Variants in KIN observed in about 807,000 individuals in gnomAD.
The protein encoded by KIN is DNA/RNA-binding protein KIN17.
KIN carries 47 observed loss-of-function variants against 63.0 expected under a neutral mutation model. The observed-to-expected ratio is 0.75, with a 90% CI of 0.59 to 0.95. The LOEUF is 0.95. Among genes scored for constraint, KIN ranks in the 40% least tolerant of loss-of-function variants. The pLI is 0.00. For missense variants in KIN, 408 were observed against 460.9 expected, an observed-to-expected ratio of 0.89 and a Z score of 1.05; for synonymous variants, 160 against 157.7, an observed-to-expected ratio of 1.01 and a Z score of -0.11.
intron 1 of KIN, among the ~76,000 whole-genome samples, chr10:7,784,344 A>G (rs1835955999): frequency 6.6e-6 from 1 of 152,228 alleles, no homozygotes. Flanking sequence ...GCACTTTGGG[A>G]GGCCAAGGCA....
chr10:7,753,947 C>CGT lies in KIN; in HGVS notation c.*2132_*2133insAC. The CGT allele has an allele frequency of 2.3e-6, 1 of 429,792 alleles. No individual in the cohort carries two copies. Among genetic ancestry groups the CGT allele is most frequent in the Admixed American group, 2.5e-5 (1 of 40,578 alleles). 26.6% of individuals were successfully genotyped at this position (429,792 alleles called of 1,614,324 possible). ...AGAGAGAGATCCCAGGGTTTGGCAC[C>CGT]ATACCTGTGTCTGACGTCAGCTTAT... On this transcript the variant is annotated 3_prime_UTR_variant, in exon 13 of 13. Coordinates refer to ENST00000379562, the MANE Select transcript of KIN (RefSeq NM_012311.4).
At chr10:7,779,068 C>T in intron 4 of KIN, 49 bp from the exon 5 acceptor site, 1 of 1,571,572 alleles carries the variant, frequency 6.4e-7, no homozygotes, top group Non-Finnish European at 8.6e-7. Context: ...CAAAGCAAAA[C>T]ATAAATATGA....
Position 7,751,952 on chromosome 10 carries a change from G to A in KIN, c.*4128C>T, listed in dbSNP as rs1444317671. On this transcript the variant is annotated 3_prime_UTR_variant, in exon 13 of 13. Coordinates refer to ENST00000379562, the MANE Select transcript of KIN (RefSeq NM_012311.4). ...CGGGAGGCTGAGGCAGGAGAATGGCGTGAACCCGGGAAGCGGAGCTTGCAG... is the reference window on the plus strand; with the variant it reads ...CGGGAGGCTGAGGCAGGAGAATGGCATGAACCCGGGAAGCGGAGCTTGCAG... 2 of 3,188 alleles carry A rather than the reference G, an allele frequency of 6.3e-4. 1 individual carries two copies. Among genetic ancestry groups the A allele is most frequent in the South Asian group, 9.3e-3 (2 of 214 alleles). 0.2% of individuals were successfully genotyped at this position (3,188 alleles called of 1,614,324 possible). A position where few individuals can be genotyped will look rare whatever the true frequency, so the allele number is the denominator to read the frequency against.
chr10:7,767,493 A>G (rs1181044906), intron 8 of KIN, among the ~76,000 whole-genome samples: 1 of 152,172 alleles, frequency 6.6e-6, no homozygotes, highest in East Asian at 1.9e-4. Context: ...TTTCATAGTA[A>G]GTTTCATCTA....
chr10:7,772,349 G>C (rs1835683414), intron 7 of KIN, among the ~76,000 whole-genome samples: 1 of 152,192 alleles, frequency 6.6e-6, no homozygotes, highest in Non-Finnish European at 1.5e-5. Context: ...ATATGAATAT[G>C]AGCAGAATGA....
At chr10:7,781,985 G>T (rs1476655328) in intron 2 of KIN, among the ~76,000 whole-genome samples, 1 of 152,070 alleles carries the variant, frequency 6.6e-6, no homozygotes, top group Admixed American at 6.5e-5. Context: ...TTGAACCCAG[G>T]AGGCAGAGGT....
intron 9 of KIN, among the ~76,000 whole-genome samples, chr10:7,765,304 C>T (rs1483105123): frequency 6.6e-6 from 1 of 151,408 alleles, no homozygotes; most frequent in Non-Finnish European, 1.5e-5. Flanking sequence ...ACAAAAAATA[C>T]AAAAATTGGC....
At chr10:7,768,716 C>G (rs948534988) in intron 8 of KIN, among the ~76,000 whole-genome samples, 3 of 152,042 alleles carry the variant, frequency 2.0e-5, no homozygotes, top group Non-Finnish European at 2.9e-5. Context: ...GCACCTGAGG[C>G]ATTAAAAGAA....
chr10:7,772,441 T>TA (rs1161702159), intron 7 of KIN, among the ~76,000 whole-genome samples: 1 of 152,168 alleles, frequency 6.6e-6, no homozygotes, highest in Non-Finnish European at 1.5e-5. Flanking sequence ...TCAAAGGAGA[T>TA]AAAGAAGCCC....
rs56204215 is a variant in KIN, at chr10:7,754,633, GAA to G, written c.*1445_*1446del. 8.1e-5 allele frequency: 10 copies of G among 123,662 alleles called. No homozygotes were observed. Among genetic ancestry groups the G allele is most frequent in the South Asian group, 2.5e-4 (1 of 3,928 alleles). The allele number at this position is 123,662 out of a possible 1,614,324, so 7.7% of individuals were successfully genotyped here. A position where few individuals can be genotyped will look rare whatever the true frequency, so the allele number is the denominator to read the frequency against. On this transcript the variant is annotated 3_prime_UTR_variant, in exon 13 of 13. Transcript: ENST00000379562. ...GGTGACAGAGTGAGACTCTGTGTCA[GAA>G]AAAAAAAAAAAAAGAAAAAGAAAAG...
At chr10:7,774,635 C>T (rs1835731980) in intron 7 of KIN, among the ~76,000 whole-genome samples, 196 bp downstream of exon 7, 1 of 151,270 alleles carries the variant, frequency 6.6e-6, no homozygotes, top group African/African-American at 2.4e-5. Flanking sequence ...CGAGGCCAGC[C>T]TGGGCAACAT....
intron 7 of KIN, among the ~76,000 whole-genome samples, chr10:7,771,169 C>T (rs891319063): frequency 6.6e-6 from 1 of 152,150 alleles, no homozygotes. Flanking sequence ...CAACTTGCTA[C>T]TTAAATGTTC....
In KIN at chr10:7,751,960, G is replaced by A. The variant is rs1460663213; in HGVS notation, c.*4120C>T. 300 of 4,010 alleles carry A rather than the reference G, an allele frequency of 0.075. 136 individuals carry two copies. The highest frequency in any genetic ancestry group is 0.25 in the African/African-American group (271 of 1,092). 0.2% of individuals were successfully genotyped at this position (4,010 alleles called of 1,614,324 possible). ...TGAGGCAGGAGAATGGCGTGAACCCGGGAAGCGGAGCTTGCAGTGAGCCGA... is the reference window on the plus strand; with the variant it reads ...TGAGGCAGGAGAATGGCGTGAACCCAGGAAGCGGAGCTTGCAGTGAGCCGA... On this transcript the variant is annotated 3_prime_UTR_variant, in exon 13 of 13. Coordinates refer to ENST00000379562, the MANE Select transcript of KIN (RefSeq NM_012311.4).
rs532394007 is a variant in KIN at position 7,774,218 on chromosome 10, G to C, written c.668+613C>G. 2.0e-5 allele frequency among the ~76,000 whole-genome samples: 3 copies of C among 152,290 alleles called. No individual in the cohort carries two copies. In the South Asian group the frequency reaches 6.2e-4, roughly 32 times the overall value. ...TGCCCTGTGCTAGACTACCTAGAAG[G>C]GCGGGCAATGACTACTGAGTGTTTC... On this transcript the variant is annotated intron_variant, in intron 7 of 12. Transcript: ENST00000379562.
At chr10:7,783,027 T>G (rs938969580) in intron 2 of KIN, 54 bp downstream of exon 2, 6 of 855,494 alleles carry the variant, frequency 7.0e-6, no homozygotes, top group Non-Finnish European at 1.1e-5. Context: ...AACCATCTAT[T>G]AAATGTTCAA....
rs971375862 is a variant in KIN, at chr10:7,754,160, T to C, written c.*1920A>G. ...GCCTGGGCAACATAGCAAGACCTCA[T>C]CTCTACTAAAAATCAAAAAAATTAG... On this transcript the variant is annotated 3_prime_UTR_variant, in exon 13 of 13. Transcript: ENST00000379562. The C allele has an allele frequency of 2.2e-6, 1 of 450,200 alleles. No homozygotes were observed. The highest frequency in any genetic ancestry group is 2.0e-5 in the African/African-American group (1 of 49,768). 27.9% of individuals were successfully genotyped at this position (450,200 alleles called of 1,614,324 possible).
intron 12 of KIN, among the ~76,000 whole-genome samples, chr10:7,757,550 A>T (rs1835355772): frequency 6.6e-6 from 1 of 151,964 alleles, no homozygotes; most frequent in Non-Finnish European, 1.5e-5. Flanking sequence ...TTAAAATTAA[A>T]TTTGACAGTT....
chr10:7,763,881 C>A, intron 9 of KIN, 90 bp from the exon 10 acceptor site: 1 of 642,714 alleles, frequency 1.6e-6, no homozygotes, highest in Non-Finnish European at 2.6e-6. Flanking sequence ...TCACCCAAAA[C>A]CACAGGAAAA....
chr10:7,779,917 C>G (rs1411323501), intron 4 of KIN, 139 bp downstream of exon 4: 1 of 723,804 alleles, frequency 1.4e-6, no homozygotes, highest in African/African-American at 1.8e-5. Flanking sequence ...AGAAATTATG[C>G]TCCCAAAATG....
Sources: allele counts gnomAD v4.1 joint callset (sites outside exome capture counted in the v4.1 genomes callset), GRCh38; gene constraint gnomAD v4.1.1; transcripts MANE v1.5; gene names NCBI Gene and HGNC (gene_info 2026-07-23, HGNC 2026-07-21).